The following SNX29 variants were observed in gnomAD, a reference collection of about 807,000 sequenced individuals.
SNX29 encodes sorting nexin 29, also known as sorting nexin-29.
Under a neutral mutation model 102.1 loss-of-function variants are expected in SNX29, and 78 were observed. The ratio of observed to expected loss-of-function variants is 0.76; its 90% CI spans 0.64 to 0.92. The LOEUF is 0.92. SNX29 is among the 40% of genes least tolerant of loss of function. SNX29 has a pLI of 0.00. For synonymous variants in SNX29, 580 were observed against 414.5 expected, an observed-to-expected ratio of 1.40 and a Z score of -4.85; for missense variants, 1,280 against 1,061.7, an observed-to-expected ratio of 1.21 and a Z score of -2.86.
At chr16:12,513,895 G>A (rs1194032169) in intron 19 of SNX29, among the ~76,000 whole-genome samples, 1 of 152,208 alleles carries the variant, frequency 6.6e-6, no homozygotes, top group African/African-American at 2.4e-5. Flanking sequence ...GAGTTTTTAA[G>A]TGGCAATAAC....
At chr16:12,547,683 G>A (rs1164437630) in intron 20 of SNX29, among the ~76,000 whole-genome samples, 2 of 152,050 alleles carry the variant, frequency 1.3e-5, no homozygotes, top group Non-Finnish European at 2.9e-5. Context: ...AATAAAACCT[G>A]GCCCCCGCGT....
chr16:12,564,151 G>T (rs1263424117), intron 20 of SNX29, among the ~76,000 whole-genome samples: 6 of 152,144 alleles, frequency 3.9e-5, no homozygotes, highest in Non-Finnish European at 7.4e-5. Context: ...CACTTGGGAG[G>T]CCTGAGGTAG....
At chr16:12,075,982 ATAATCT>A (rs1176638013) in intron 10 of SNX29, among the ~76,000 whole-genome samples, 1 of 152,218 alleles carries the variant, frequency 6.6e-6, no homozygotes, top group Non-Finnish European at 1.5e-5. Flanking sequence ...GGTGCGGGAT[ATAATCT>A]CCTCACGCGC....
chr16:12,504,376 T>C (rs949493599), intron 19 of SNX29, among the ~76,000 whole-genome samples: 5 of 151,980 alleles, frequency 3.3e-5, no homozygotes, highest in Admixed American at 2.6e-4. Flanking sequence ...GGAAAGAAAC[T>C]CTATATCCAT....
At chr16:12,149,628 C>T (rs765655234) in intron 13 of SNX29, among the ~76,000 whole-genome samples, 1 of 152,126 alleles carries the variant, frequency 6.6e-6, no homozygotes, top group Non-Finnish European at 1.5e-5. Flanking sequence ...TGACCTTGGG[C>T]AAGTTACTGT....
At chr16:12,394,270 G>A (rs968129491) in intron 16 of SNX29, among the ~76,000 whole-genome samples, 1 of 152,100 alleles carries the variant, frequency 6.6e-6, no homozygotes, top group African/African-American at 2.4e-5. Context: ...GTATGAATTT[G>A]GGTTACTTGA....
intron 13 of SNX29, among the ~76,000 whole-genome samples, chr16:12,149,704 G>A (rs975589621): frequency 1.3e-5 from 2 of 152,204 alleles, no homozygotes; most frequent in Non-Finnish European, 2.9e-5. Context: ...TACCTCATGG[G>A]TATTGGTGAG....
Position 12,549,530 on chromosome 16 carries a change from C to CATGTAGCCAGT in SNX29, c.2319-18975_2319-18974insTGTAGCCAGTA, listed in dbSNP as rs57031725. The stretch of plus-strand genomic sequence containing the variant: ...TCATGCCATTTTTCATCCTCTATCT[C>CATGTAGCCAGT]AAATAGCCAGTAAGGCATGGAGTGG... On this transcript the variant is annotated intron_variant, in intron 20 of 20. Coordinates refer to ENST00000566228, the MANE Select transcript of SNX29 (RefSeq NM_032167.5). Among the ~76,000 whole-genome samples the CATGTAGCCAGT allele has an allele frequency of 8.1e-4, 123 of 151,854 alleles. 1 individual carries two copies. The East Asian group carries it at 0.016, about 20-fold the overall frequency.
intron 20 of SNX29, among the ~76,000 whole-genome samples, chr16:12,541,931 T>G (rs11645856): frequency 6.6e-6 from 1 of 152,120 alleles, no homozygotes; most frequent in Admixed American, 6.5e-5. Flanking sequence ...CCACGGTACA[T>G]CCTGGGCCCA....
chr16:12,203,846 C>T (rs143023698), intron 14 of SNX29, among the ~76,000 whole-genome samples: 139 of 152,328 alleles, frequency 9.1e-4, no homozygotes, highest in African/African-American at 1.6e-3. Context: ...TGGGTCTGTC[C>T]GTGTCACATG....
intron 15 of SNX29, among the ~76,000 whole-genome samples, chr16:12,321,956 A>G (rs2080947989): frequency 1.3e-5 from 2 of 152,274 alleles, no homozygotes; most frequent in Admixed American, 1.3e-4. Context: ...GGCTGACTCA[A>G]ACATCAAAGC....
At position 12,129,736 on chromosome 16, in the gene SNX29, A is replaced by G. The variant is rs1304305917; in HGVS notation, c.1573A>G (p.Met525Val). ...GGCTGAACAGGAGGAGCGGCAGGGC[A>G]TGAAGGTCCAGGCGCTGGCCAGGTA... ...KVAEQEERQG[M>V]KVQALARENE... The change falls in exon 13 of 21, where the codon ATG becomes GTG. Residue 525 changes from methionine (M) to valine (V), a missense_variant. By Grantham distance (21) the Met-to-Val change is conservative. Coordinates refer to ENST00000566228, the MANE Select transcript of SNX29 (RefSeq NM_032167.5). 3 of 1,609,506 alleles carry G rather than the reference A, an allele frequency of 1.9e-6. No individual in the cohort carries two copies. The highest frequency in any genetic ancestry group is 2.5e-6 in the Non-Finnish European group (3 of 1,178,878).
At chr16:12,350,244 C>T (rs975078599) in intron 15 of SNX29, among the ~76,000 whole-genome samples, 2 of 152,142 alleles carry the variant, frequency 1.3e-5, no homozygotes, top group African/African-American at 4.8e-5. Flanking sequence ...GCAAAAATAC[C>T]GGGCGGGGAG....
At chr16:12,538,118 GC>G (rs1285549041) in intron 20 of SNX29, among the ~76,000 whole-genome samples, 4 of 117,522 alleles carry the variant, frequency 3.4e-5, no homozygotes, top group African/African-American at 1.4e-4. Flanking sequence ...ATTTCCCCTT[GC>G]ATTTTTTTAT....
rs763792161 is a variant in SNX29, at chr16:12,354,023, T to C, written c.1783-2140T>C. On this transcript the variant is annotated intron_variant, in intron 15 of 20. Transcript: ENST00000566228. ...GCCTAATAAAAATTCCAAGAGGCAG[T>C]GGTTGTGCAGCCTACTTTTATTTTT... Among the ~76,000 whole-genome samples, 24 of 152,186 alleles carry C rather than the reference T, an allele frequency of 1.6e-4. 1 individual carries two copies. Among genetic ancestry groups the C allele is most frequent in the Admixed American group, 3.9e-4 (6 of 15,268 alleles).
chr16:12,335,676 C>T (rs554419185), intron 15 of SNX29, among the ~76,000 whole-genome samples: 114 of 152,210 alleles, frequency 7.5e-4, no homozygotes, highest in Non-Finnish European at 8.2e-4. Flanking sequence ...ACCGTGTCAG[C>T]GTTGGGGGTT....
intron 18 of SNX29, among the ~76,000 whole-genome samples, chr16:12,457,639 C>A (rs947651317): frequency 7.2e-5 from 11 of 152,234 alleles, no homozygotes; most frequent in Non-Finnish European, 1.2e-4. Context: ...GTTCACACCT[C>A]ATTTACCCAT....
At position 12,051,847 on chromosome 16, in the gene SNX29, A is replaced by G. The variant is rs200420200; in HGVS notation, c.749A>G (p.Asp250Gly). 59 of 1,579,766 alleles carry G rather than the reference A, an allele frequency of 3.7e-5. No homozygotes were observed. Among genetic ancestry groups the G allele is most frequent in the Non-Finnish European group, 5.0e-5 (59 of 1,170,458 alleles). ...LPVVSRNVSADAKCKKERKKK... is the reference protein window; with the variant it reads ...LPVVSRNVSAGAKCKKERKKK... ...GTATCTTTTTTTTTTTTTTTGCCAG[A>G]TGCCAAATGCAAAAAGGAGCGGAAG... Residue 250 changes from aspartate to glycine, a missense_variant and splice_region_variant, in exon 8 of 21, where the codon GAT becomes GGT. By Grantham distance (94) the Asp-to-Gly change is moderately conservative (BLOSUM62 -1). Coordinates refer to ENST00000566228, the MANE Select transcript of SNX29 (RefSeq NM_032167.5).
intron 20 of SNX29, among the ~76,000 whole-genome samples, chr16:12,564,042 A>AT (rs1567212624): frequency 6.6e-6 from 1 of 152,064 alleles, no homozygotes; most frequent in African/African-American, 2.4e-5. Context: ...GCACCGGTAA[A>AT]AGGTTGTGGT....
Sources: allele counts gnomAD v4.1 joint callset (sites outside exome capture counted in the v4.1 genomes callset), GRCh38; gene constraint gnomAD v4.1.1; transcripts MANE v1.5; gene names NCBI Gene and HGNC (gene_info 2026-07-23, HGNC 2026-07-21).